Variants in ITGAE observed in about 807,000 individuals in gnomAD.
ITGAE encodes integrin alpha-E.
In ITGAE, 99 loss-of-function variants were observed where a neutral mutation model predicts 136.5. The ratio of observed to expected loss-of-function variants is 0.73; its 90% CI spans 0.62 to 0.86. The LOEUF is 0.86. Ranked by LOEUF, ITGAE falls within the 40% of genes least tolerant of loss-of-function variation. ITGAE has a pLI of 0.00. For synonymous variants in ITGAE, 613 were observed against 591.8 expected (o/e 1.04, Z -0.52); for missense variants, 1,447 against 1,515.3 (o/e 0.95, Z 0.75).
intron 26 of ITGAE, chr17:3,724,199 C>T: frequency 6.3e-7 from 1 of 1,592,968 alleles, no homozygotes; most frequent in Non-Finnish European, 8.5e-7. Flanking sequence ...GCCGAGTGCC[C>T]AAGGACCGGC....
Position 3,751,870 on chromosome 17 carries a change from C to A in ITGAE, c.1673G>T (p.Gly558Val), listed in dbSNP as rs752451003. The A allele has an allele frequency of 1.2e-6, 2 of 1,613,660 alleles. No homozygotes were observed. The highest frequency in any genetic ancestry group is 2.2e-5 in the South Asian group (2 of 91,082). The stretch of plus-strand genomic sequence containing the variant: ...CAGTATGCGTGCCAAGGAGAAAGAA[C>A]CATCCTGTAAAGCAAACAAACAGCT... ...VYVYRLSEQDGSFSLARILSG... is the reference protein window; with the variant it reads ...VYVYRLSEQDVSFSLARILSG... Residue 558 changes from glycine (G) to valine (V), a missense_variant, in exon 15 of 31, where the codon GGT (glycine) becomes GTT (valine). Around this residue, in one of 3 missense-constraint regions of ITGAE, gnomAD observed 1,031 missense variants for 1,011.4 expected, o/e 1.02. Transcript: ENST00000263087.
intron 26 of ITGAE, 104 bp from the exon 27 acceptor site, chr17:3,723,848 G>A (rs894563485): frequency 4.3e-5 from 65 of 1,525,708 alleles, no homozygotes; most frequent in Non-Finnish European, 5.0e-5. Context: ...GCAGGGCCGG[G>A]AGCTAGGACC....
chr17:3,777,875 C>G (rs2052580934), intron 1 of ITGAE, among the ~76,000 whole-genome samples: 1 of 151,982 alleles, frequency 6.6e-6, no homozygotes, highest in Non-Finnish European at 1.5e-5. Flanking sequence ...TACCCGAGCC[C>G]CCCTCCTCCA....
chr17:3,757,090 G>T lies in ITGAE; in HGVS notation c.1065C>A (p.Asn355Lys), dbSNP rs1256113848. 2 of 1,614,176 alleles carry T rather than the reference G, an allele frequency of 1.2e-6. No homozygotes were observed. The highest frequency in any genetic ancestry group is 1.3e-5 in the African/African-American group (1 of 75,048). ...TCTCATCCGGGTCTGAGGCGATCAGGTTCAGTTCCCTCGCAGTCCTAGCAC... is the reference window on the plus strand; with the variant it reads ...TCTCATCCGGGTCTGAGGCGATCAGTTTCAGTTCCCTCGCAGTCCTAGCAC... The part of the protein sequence containing the change: ...FKSARTAREL[N>K]LIASDPDETH... Residue 355 changes from asparagine (N) to lysine (K), a missense_variant, in exon 10 of 31, where the codon AAC becomes AAA. Asn to Lys is a moderately conservative substitution (Grantham distance 94, BLOSUM62 0). Around this residue, in one of 3 missense-constraint regions of ITGAE, gnomAD observed 310 missense variants for 416.1 expected, o/e 0.74. Coordinates refer to ENST00000263087, the MANE Select transcript of ITGAE (RefSeq NM_002208.5).
chr17:3,797,872 C>G (rs1226424961), intron 1 of ITGAE, among the ~76,000 whole-genome samples: 1 of 152,188 alleles, frequency 6.6e-6, no homozygotes, highest in African/African-American at 2.4e-5. Flanking sequence ...TGCCTCCCCT[C>G]TCCCCCAGAT....
Position 3,729,472 on chromosome 17 carries a change from A to T in ITGAE, c.2912+6T>A. The T allele has an allele frequency of 6.3e-7, 1 of 1,591,288 alleles. No homozygotes were observed. The highest frequency in any genetic ancestry group is 8.6e-7 in the Non-Finnish European group (1 of 1,159,266). ...ACACCGCTGCTGGCCTCTTGGGAGT[A>T]CTCACTTGGACAGAACTGCAACGAA... On this transcript the variant is annotated splice_donor_region_variant and intron_variant, in intron 24 of 30. Coordinates refer to ENST00000263087, the MANE Select transcript of ITGAE (RefSeq NM_002208.5).
At chr17:3,747,861 A>G in intron 17 of ITGAE, 61 bp downstream of exon 17, 1 of 712,332 alleles carries the variant, frequency 1.4e-6, no homozygotes, top group Non-Finnish European at 2.1e-6. Context: ...CCTGCCCCTT[A>G]CAGAAGCCAA....
At chr17:3,756,664 CAG>C in intron 10 of ITGAE, among the ~76,000 whole-genome samples, 1 of 152,286 alleles carries the variant, frequency 6.6e-6, no homozygotes, top group Non-Finnish European at 1.5e-5. Context: ...CTTGGCCTCC[CAG>C]AGTGTTGGGA....
intron 2 of ITGAE, among the ~76,000 whole-genome samples, chr17:3,772,137 C>T (rs7211065): frequency 0.13 from 20,233 of 152,192 alleles, 1,753 homozygotes; most frequent in African/African-American, 0.24. Context: ...CTGCCATCCC[C>T]TTCCCGTTCC....
In ITGAE at chr17:3,755,221, GA is replaced by G; in HGVS notation, c.1279del (p.Ser427ProfsTer17). On this transcript the variant is annotated frameshift_variant, in exon 12 of 31. Transcript: ENST00000263087. LOFTEE classifies it high-confidence loss of function. ...LLGAVGAFDWSGGALLYDTRS... is the reference protein window; with the variant it reads ...LLGAVGAFDWXGGALLYDTRS... The stretch of plus-strand genomic sequence containing the variant: ...TGTGTCGTAGAGCAACGCCCCTCCG[GA>G]CCAGTCAAAGGCCCCGACGGCGCCG... 3.8e-6 allele frequency: 6 copies of G among 1,577,480 alleles called. No homozygotes were observed. The highest frequency in any genetic ancestry group is 5.1e-6 in the Non-Finnish European group (6 of 1,167,886).
chr17:3,790,857 T>C (rs1477698638), intron 1 of ITGAE, among the ~76,000 whole-genome samples: 1 of 151,930 alleles, frequency 6.6e-6, no homozygotes. Context: ...AACCAACTGT[T>C]AAAAAGACAT....
chr17:3,782,338 CTAGTGTGTGTGTG>C (rs1330354825), intron 1 of ITGAE, among the ~76,000 whole-genome samples: 8 of 127,412 alleles, frequency 6.3e-5, no homozygotes, highest in South Asian at 5.1e-4. Context: ...GCTTAAATCT[CTAGTGTGTGTGTG>C]TGTGTGTGTG....
At chr17:3,758,807 G>C (rs2052090275) in intron 8 of ITGAE, among the ~76,000 whole-genome samples, 1 of 151,970 alleles carries the variant, frequency 6.6e-6, no homozygotes, top group Admixed American at 6.6e-5. Flanking sequence ...AGGTCCTTCA[G>C]TTTGCCCGGG....
At chr17:3,794,712 A>C (rs920317932) in intron 1 of ITGAE, among the ~76,000 whole-genome samples, 8 of 152,250 alleles carry the variant, frequency 5.3e-5, no homozygotes, top group African/African-American at 1.7e-4. Flanking sequence ...GGCCCACGTC[A>C]CGTTGAGCCC....
At chr17:3,728,258 C>T (rs2051260919) in intron 24 of ITGAE, 90 bp from the exon 25 acceptor site, 1 of 975,262 alleles carries the variant, frequency 1.0e-6, no homozygotes, top group African/African-American at 1.6e-5. Flanking sequence ...GGCTAGAGCA[C>T]AGTGGAACAA....
Position 3,728,955 on chromosome 17 carries a change from G to C in ITGAE, c.2912+523C>G, listed in dbSNP as rs142437647. Among the ~76,000 whole-genome samples, 34 of 151,716 alleles carry C rather than the reference G, an allele frequency of 2.2e-4. No homozygotes were observed. The East Asian group carries it at 4.5e-3, about 20-fold the overall frequency. The stretch of plus-strand genomic sequence containing the variant: ...GGAGGCTGAGGCAGGAGAATCGCTT[G>C]AACCTGGGCGGCAGAGGTTGCAGTG... On this transcript the variant is annotated intron_variant, in intron 24 of 30. Coordinates refer to ENST00000263087, the MANE Select transcript of ITGAE (RefSeq NM_002208.5).
chr17:3,739,744 TG>T, intron 20 of ITGAE, 60 bp downstream of exon 20: 1 of 1,423,860 alleles, frequency 7.0e-7, no homozygotes, highest in Non-Finnish European at 9.9e-7. Context: ...ATGAAGGAAT[TG>T]CCCAGGCAAG....
chr17:3,759,893 C>T (rs2052122869), intron 7 of ITGAE, among the ~76,000 whole-genome samples: 1 of 152,148 alleles, frequency 6.6e-6, no homozygotes, highest in South Asian at 2.1e-4. Flanking sequence ...ATCTGGCCCT[C>T]TTAGAATGTT....
At chr17:3,788,759 AT>A (rs1336254935) in intron 1 of ITGAE, among the ~76,000 whole-genome samples, 2 of 146,046 alleles carry the variant, frequency 1.4e-5, no homozygotes, top group Non-Finnish European at 3.0e-5. Flanking sequence ...TTATTTAAAA[AT>A]AATAATTATT....
Sources: allele counts gnomAD v4.1 joint callset (sites outside exome capture counted in the v4.1 genomes callset), GRCh38; gene constraint gnomAD v4.1.1; regional missense constraint gnomAD v4.1.1; transcripts MANE v1.5; gene names NCBI Gene and HGNC (gene_info 2026-07-23, HGNC 2026-07-21).